The following RERE variants were observed in gnomAD, a reference collection of about 807,000 sequenced individuals.
RERE encodes the protein arginine-glutamic acid dipeptide repeats, also known as arginine-glutamic acid dipeptide repeats protein.
Under a neutral mutation model 146.1 loss-of-function variants are expected in RERE, and 40 were observed. The observed-to-expected ratio is 0.27, with a 90% CI of 0.21 to 0.36. RERE has a LOEUF of 0.36. Ranked by LOEUF, RERE falls within the 10% of genes least tolerant of loss-of-function variation. The probability of loss-of-function intolerance (pLI) is 1.00; values close to 1 mark genes in which losing one functional copy is unlikely to be tolerated. For missense variants in RERE, 1,933 were observed against 2,138.7 expected, an observed-to-expected ratio of 0.90 and a Z score of 1.90; for synonymous variants, 1,003 against 866.0, an observed-to-expected ratio of 1.16 and a Z score of -2.78.
chr1:8,638,822 G>A (rs921242113), intron 2 of RERE, among the ~76,000 whole-genome samples: 4 of 125,486 alleles, frequency 3.2e-5, no homozygotes, highest in African/African-American at 9.7e-5. Context: ...ATGGAGTCTC[G>A]CTGTCGCCTA....
intron 2 of RERE, among the ~76,000 whole-genome samples, chr1:8,630,520 CTACTT>C (rs1376546638): frequency 6.6e-6 from 1 of 152,166 alleles, no homozygotes; most frequent in Non-Finnish European, 1.5e-5. Flanking sequence ...GCCAGGTAAC[CTACTT>C]TAGTTTCCTG....
At chr1:8,625,136 G>T (rs1646959166) in intron 2 of RERE, among the ~76,000 whole-genome samples, 1 of 151,686 alleles carries the variant, frequency 6.6e-6, no homozygotes, top group Non-Finnish European at 1.5e-5. Context: ...TTGTTTGTTT[G>T]TTTGTTTGTT....
intron 1 of RERE, among the ~76,000 whole-genome samples, chr1:8,751,438 T>C (rs926587868): frequency 2.6e-5 from 4 of 152,272 alleles, no homozygotes; most frequent in South Asian, 2.1e-4. Context: ...CTGGCACCTA[T>C]GGGAAAACCT....
At chr1:8,691,250 C>G (rs1353115244) in intron 1 of RERE, among the ~76,000 whole-genome samples, 1 of 152,140 alleles carries the variant, frequency 6.6e-6, no homozygotes, top group Non-Finnish European at 1.5e-5. Flanking sequence ...TTACAGGATT[C>G]TAAATCTGTA....
intron 17 of RERE, 24 bp from the exon 18 acceptor site, chr1:8,361,514 G>T: frequency 6.2e-7 from 1 of 1,606,160 alleles, no homozygotes. Context: ...AGGGAAGGAT[G>T]GAAGTCCCAG....
At chr1:8,651,460 A>G (rs993427300) in intron 2 of RERE, among the ~76,000 whole-genome samples, 5 of 152,164 alleles carry the variant, frequency 3.3e-5, no homozygotes, top group Admixed American at 2.6e-4. Context: ...CATTCTCCAC[A>G]GATCCTAAGC....
At chr1:8,390,582 G>A (rs1405719305) in intron 12 of RERE, among the ~76,000 whole-genome samples, 2 of 152,138 alleles carry the variant, frequency 1.3e-5, no homozygotes, top group Non-Finnish European at 2.9e-5. Flanking sequence ...AACAAATAGT[G>A]AAGACAGAGC....
At chr1:8,498,710 TAA>T (rs1220899065) in intron 8 of RERE, among the ~76,000 whole-genome samples, 45 of 68,210 alleles carry the variant, frequency 6.6e-4, no homozygotes, top group African/African-American at 2.2e-3. Context: ...AAAAAAAAAA[TAA>T]AAAAAAAAAA....
intron 4 of RERE, among the ~76,000 whole-genome samples, chr1:8,577,926 C>G (rs2124038018): frequency 6.6e-6 from 1 of 152,250 alleles, no homozygotes; most frequent in East Asian, 1.9e-4. Context: ...AACCCTGTCT[C>G]TACCAAAAAT....
chr1:8,414,685 T>TG (rs1557620017), intron 12 of RERE, among the ~76,000 whole-genome samples: 1 of 138,964 alleles, frequency 7.2e-6, no homozygotes, highest in South Asian at 2.3e-4. Context: ...GGGGGGTCGG[T>TG]GGGGGGAAGA....
chr1:8,550,793 C>T (rs1645925921), intron 6 of RERE, among the ~76,000 whole-genome samples: 1 of 152,114 alleles, frequency 6.6e-6, no homozygotes, highest in South Asian at 2.1e-4. Context: ...GGTGATCTGC[C>T]CACCTTGGCC....
intron 1 of RERE, among the ~76,000 whole-genome samples, chr1:8,744,771 T>C (rs1640387333): frequency 6.6e-6 from 1 of 152,186 alleles, no homozygotes; most frequent in South Asian, 2.1e-4. Context: ...AAATAAAATA[T>C]ATGTTCCCCA....
At chr1:8,637,126 C>G (rs1167880990) in intron 2 of RERE, among the ~76,000 whole-genome samples, 3 of 151,962 alleles carry the variant, frequency 2.0e-5, no homozygotes, top group Admixed American at 6.6e-5. Flanking sequence ...GAACACAGAG[C>G]TCTTAATTTA....
chr1:8,534,345 A>G (rs889404335), intron 7 of RERE, among the ~76,000 whole-genome samples: 4 of 152,260 alleles, frequency 2.6e-5, no homozygotes, highest in Admixed American at 2.6e-4. Context: ...AATGTTACAC[A>G]TAAGGAAAAG....
chr1:8,374,284 TAG>T (rs1642154529), intron 12 of RERE, among the ~76,000 whole-genome samples: 1 of 152,150 alleles, frequency 6.6e-6, no homozygotes, highest in Non-Finnish European at 1.5e-5. Context: ...AACTTGTAAA[TAG>T]GTGGGGCCAG....
intron 7 of RERE, among the ~76,000 whole-genome samples, chr1:8,530,513 G>A (rs1176147568): frequency 6.6e-6 from 1 of 152,042 alleles, no homozygotes; most frequent in Non-Finnish European, 1.5e-5. Flanking sequence ...AGGCGGGGCG[G>A]GGAGGGGAAG....
In RERE at chr1:8,443,189, G is replaced by T. The variant is rs1570246777; in HGVS notation, c.1204-20382C>A. Among the ~76,000 whole-genome samples the T allele has an allele frequency of 4.6e-5, 7 of 152,296 alleles. 1 individual carries two copies. The South Asian group carries it at 1.4e-3, about 32-fold the overall frequency. On this transcript the variant is annotated intron_variant, in intron 11 of 22. Coordinates refer to ENST00000400908, the MANE Select transcript of RERE (RefSeq NM_001042681.2). The stretch of plus-strand genomic sequence containing the variant: ...AAGAAAGAAAAGCTTTTGGTTGGGC[G>T]TGGTGGCTCACGCCTGTAATCCCAG...
At chr1:8,756,962 A>ATGCC (rs1460751149) in intron 1 of RERE, among the ~76,000 whole-genome samples, 1 of 152,018 alleles carries the variant, frequency 6.6e-6, no homozygotes, top group African/African-American at 2.4e-5. Flanking sequence ...ATGGTAGTGC[A>ATGCC]TGCCTGTAAT....
At chr1:8,591,130 T>C (rs1646487473) in intron 4 of RERE, among the ~76,000 whole-genome samples, 1 of 152,218 alleles carries the variant, frequency 6.6e-6, no homozygotes. Flanking sequence ...GAGATTTCTG[T>C]GGCGCTGACA....
Sources: allele counts gnomAD v4.1 joint callset (sites outside exome capture counted in the v4.1 genomes callset), GRCh38; gene constraint gnomAD v4.1.1; transcripts MANE v1.5; gene names NCBI Gene and HGNC (gene_info 2026-07-23, HGNC 2026-07-21).